The following BICD1 variants were observed in gnomAD, a reference collection of about 807,000 sequenced individuals.
The protein encoded by BICD1 is protein bicaudal D homolog 1.
In BICD1, 35 loss-of-function variants were observed where a neutral mutation model predicts 92.5. That is an observed-to-expected ratio of 0.38 (90% CI 0.29 to 0.50). The LOEUF (loss-of-function observed/expected upper bound fraction) is 0.50. BICD1 is among the 20% of genes least tolerant of loss of function. The pLI is 0.93. For missense variants in BICD1, 950 were observed against 1,189.8 expected (o/e 0.80, Z 2.97); for synonymous variants, 429 against 465.1 (o/e 0.92, Z 1.00).
intron 2 of BICD1, among the ~76,000 whole-genome samples, chr12:32,247,504 C>G (rs915688388): frequency 6.6e-6 from 1 of 152,054 alleles, no homozygotes; most frequent in Admixed American, 6.6e-5. Flanking sequence ...TTGGGCCGGG[C>G]ATGGTGGCTC....
intron 1 of BICD1, among the ~76,000 whole-genome samples, chr12:32,112,736 C>G (rs1408788121): frequency 6.6e-6 from 1 of 152,102 alleles, no homozygotes; most frequent in African/African-American, 2.4e-5. Context: ...CACATTTTGT[C>G]TTGGGGATGT....
chr12:32,182,148 C>T (rs1309405322), intron 1 of BICD1, among the ~76,000 whole-genome samples: 1 of 151,752 alleles, frequency 6.6e-6, no homozygotes, highest in Non-Finnish European at 1.5e-5. Context: ...AAACCAAGTT[C>T]AGAAAGGTGG....
At chr12:32,192,164 G>T (rs374239924) in intron 1 of BICD1, among the ~76,000 whole-genome samples, 1 of 152,170 alleles carries the variant, frequency 6.6e-6, no homozygotes, top group Non-Finnish European at 1.5e-5. Context: ...AGGTGCGGTG[G>T]CTCACGCCTG....
Position 32,382,889 on chromosome 12 carries a change from G to C in BICD1, c.*5262G>C, listed in dbSNP as rs1940234114. 1 of 151,978 alleles carries C rather than the reference G, an allele frequency of 6.6e-6. No homozygotes were observed. The highest frequency in any genetic ancestry group is 1.5e-5 in the Non-Finnish European group (1 of 67,920). The allele number at this position is 151,978 out of a possible 1,614,324, so 9.4% of individuals were successfully genotyped here. A position where few individuals can be genotyped will look rare whatever the true frequency, so the allele number is the denominator to read the frequency against. The stretch of plus-strand genomic sequence containing the variant: ...ATGGAGATACAGAATGACTCATTGG[G>C]TTCATAGGTATGATTTGTGCAGCCA... On this transcript the variant is annotated 3_prime_UTR_variant, in exon 10 of 10. Coordinates refer to ENST00000652176, the MANE Select transcript of BICD1 (RefSeq NM_001714.4).
intron 8 of BICD1, among the ~76,000 whole-genome samples, chr12:32,361,232 G>T (rs1017048365): frequency 1.3e-5 from 2 of 152,154 alleles, no homozygotes; most frequent in African/African-American, 4.8e-5. Flanking sequence ...GCAAGGAGAC[G>T]AGTGAGGGAA....
intron 2 of BICD1, among the ~76,000 whole-genome samples, chr12:32,242,035 A>C (rs12366343): frequency 6.7e-6 from 1 of 148,782 alleles, no homozygotes; most frequent in Non-Finnish European, 1.5e-5. Flanking sequence ...TCTCTCCAAA[A>C]CAAACAAACA....
In BICD1 at chr12:32,151,098, G is replaced by A. The variant is rs11837015; in HGVS notation, c.213+43554G>A. ...TTGTTGGGAAGATGGTAGCAGACAG[G>A]GTTGCTTAAAAATATAAGACTTCCT... On this transcript the variant is annotated intron_variant, in intron 1 of 9. Transcript: ENST00000652176. Among the ~76,000 whole-genome samples, 945 of 152,214 alleles carry A rather than the reference G, an allele frequency of 6.2e-3. 9 individuals carry two copies. The highest frequency in any genetic ancestry group is 0.022 in the African/African-American group (915 of 41,526).
chr12:32,130,828 C>T (rs1340621792), intron 1 of BICD1, among the ~76,000 whole-genome samples: 1 of 151,830 alleles, frequency 6.6e-6, no homozygotes, highest in Non-Finnish European at 1.5e-5. Context: ...ATAAATAATG[C>T]TCCTTGACAT....
rs1940119945 is a variant in BICD1, at chr12:32,379,757, G to A, written c.*2130G>A. On this transcript the variant is annotated 3_prime_UTR_variant, in exon 10 of 10. Coordinates refer to ENST00000652176, the MANE Select transcript of BICD1 (RefSeq NM_001714.4). Reference sequence around the variant, plus strand: ...TTAATAAAAAACTGTTTGTGCCTGAGGGAAATATATGCCTTTTTAAAAAGT... The same window carrying A: ...TTAATAAAAAACTGTTTGTGCCTGAAGGAAATATATGCCTTTTTAAAAAGT... The A allele has an allele frequency of 6.6e-6, 1 of 152,188 alleles. No individual in the cohort carries two copies. The highest frequency in any genetic ancestry group is 1.5e-5 in the Non-Finnish European group (1 of 68,036). 9.4% of individuals were successfully genotyped at this position (152,188 alleles called of 1,614,324 possible). A position where few individuals can be genotyped will look rare whatever the true frequency, so the allele number is the denominator to read the frequency against.
intron 9 of BICD1, among the ~76,000 whole-genome samples, chr12:32,376,394 A>C (rs928347591): frequency 3.3e-5 from 5 of 151,872 alleles, no homozygotes; most frequent in Non-Finnish European, 7.4e-5. Context: ...GCCGCTAGTC[A>C]AATTTTAAAA....
Position 32,171,984 on chromosome 12 carries a change from C to T in BICD1, c.214-44263C>T, listed in dbSNP as rs76357333. 9.8e-3 allele frequency among the ~76,000 whole-genome samples: 985 copies of T among 100,848 alleles called. 16 individuals carry two copies. The highest frequency in any genetic ancestry group is 0.068 in the East Asian group (183 of 2,688). 66.2% of individuals were successfully genotyped at this position (100,848 alleles called of 152,430 possible). On this transcript the variant is annotated intron_variant, in intron 1 of 9. Transcript: ENST00000652176. ...ACACACACACACACACACACACACA[C>T]ACACACTAAAACTGCTGACATTGAG...
At chr12:32,368,554 G>A (rs1939614074) in intron 9 of BICD1, among the ~76,000 whole-genome samples, 1 of 151,890 alleles carries the variant, frequency 6.6e-6, no homozygotes, top group Non-Finnish European at 1.5e-5. Flanking sequence ...AATTAGCTGG[G>A]TGTGGTGGCA....
chr12:32,199,310 G>T lies in BICD1; in HGVS notation c.214-16937G>T, dbSNP rs73297276. On this transcript the variant is annotated intron_variant, in intron 1 of 9. Coordinates refer to ENST00000652176, the MANE Select transcript of BICD1 (RefSeq NM_001714.4). Reference sequence around the variant, plus strand: ...AGGTAAGTAGCTCAGGGCTTGTATGGCAACTCCATGGTCACAGGGGGCCCA... The same window carrying T: ...AGGTAAGTAGCTCAGGGCTTGTATGTCAACTCCATGGTCACAGGGGGCCCA... Among the ~76,000 whole-genome samples the T allele has an allele frequency of 1.2e-3, 177 of 152,246 alleles. 1 individual carries two copies. The highest frequency in any genetic ancestry group is 4.2e-3 in the African/African-American group (176 of 41,540).
At chr12:32,294,203 T>G in intron 3 of BICD1, 57 bp downstream of exon 3, 1 of 1,471,966 alleles carries the variant, frequency 6.8e-7, no homozygotes, top group Middle Eastern at 1.8e-4. Flanking sequence ...TTCTGACCAC[T>G]AGGGTTAAAT....
intron 9 of BICD1, among the ~76,000 whole-genome samples, chr12:32,374,591 G>C (rs537372657): frequency 2.4e-4 from 34 of 144,222 alleles, no homozygotes; most frequent in Non-Finnish European, 7.5e-5. Flanking sequence ...TTTTGAGACG[G>C]AGTTTTGCTC....
At chr12:32,333,094 T>C in intron 5 of BICD1, 1 of 984,548 alleles carries the variant, frequency 1.0e-6, no homozygotes, top group Non-Finnish European at 1.2e-6. Flanking sequence ...TCCCCCATTT[T>C]ATTCCCCTTA....
chr12:32,155,191 C>T (rs1316090869), intron 1 of BICD1, among the ~76,000 whole-genome samples: 4 of 152,116 alleles, frequency 2.6e-5, no homozygotes, highest in Non-Finnish European at 4.4e-5. Context: ...TGTACTCCAT[C>T]GGCCACTGAC....
At chr12:32,232,848 C>A (rs544921015) in intron 2 of BICD1, among the ~76,000 whole-genome samples, 1 of 152,264 alleles carries the variant, frequency 6.6e-6, no homozygotes, top group South Asian at 2.1e-4. Context: ...AATAGGGAAT[C>A]CTTTCCCCAT....
chr12:32,219,481 A>G (rs1945451818), intron 2 of BICD1, among the ~76,000 whole-genome samples: 1 of 152,226 alleles, frequency 6.6e-6, no homozygotes, highest in East Asian at 1.9e-4. Flanking sequence ...TGTTAAGATT[A>G]TATTGATATA....
Sources: allele counts gnomAD v4.1 joint callset (sites outside exome capture counted in the v4.1 genomes callset), GRCh38; gene constraint gnomAD v4.1.1; transcripts MANE v1.5; gene names NCBI Gene and HGNC (gene_info 2026-07-23, HGNC 2026-07-21).